AFG2A: variants seen among roughly 807,000 people sequenced by gnomAD.
AFG2A encodes the protein AAA ATPase AFG2A.
chr4:123,072,461 A>C, the AFG2A span, among the ~76,000 whole-genome samples: 1 of 152,182 alleles, frequency 6.6e-6, no homozygotes, highest in Admixed American at 6.5e-5. Flanking sequence ...AATGCTGTAA[A>C]CAAATGGTTT....
the AFG2A span, among the ~76,000 whole-genome samples, chr4:123,121,933 G>T: frequency 6.6e-6 from 1 of 152,108 alleles, no homozygotes; most frequent in Non-Finnish European, 1.5e-5. Flanking sequence ...CAGAAACTTT[G>T]TCTGGGCAGA....
At chr4:123,218,793 C>G in the AFG2A span, among the ~76,000 whole-genome samples, 1 of 152,166 alleles carries the variant, frequency 6.6e-6, no homozygotes, top group South Asian at 2.1e-4. Context: ...TTAAATCACT[C>G]TAAGTTGAGT....
chr4:123,299,101 T>G, the AFG2A span, among the ~76,000 whole-genome samples: 2 of 142,586 alleles, frequency 1.4e-5, no homozygotes, highest in Non-Finnish European at 3.0e-5. Context: ...TCTTGTGAAT[T>G]TATATGCATC....
At chr4:123,074,421 C>T in the AFG2A span, among the ~76,000 whole-genome samples, 1,793 of 143,360 alleles carry the variant, frequency 0.013, 44 homozygotes, top group African/African-American at 0.043. Flanking sequence ...GTCTTTTGCA[C>T]TCTATTCTGT....
At chr4:123,027,773 C>G in the AFG2A span, among the ~76,000 whole-genome samples, 2 of 152,160 alleles carry the variant, frequency 1.3e-5, no homozygotes, top group African/African-American at 4.8e-5. Flanking sequence ...CTATAAAGAT[C>G]TACAAAAATA....
the AFG2A span, among the ~76,000 whole-genome samples, chr4:123,267,333 A>G: frequency 1.3e-5 from 2 of 151,812 alleles, no homozygotes; most frequent in Non-Finnish European, 3.0e-5. Flanking sequence ...ATTATTTCTG[A>G]TGTTCTTTAA....
the AFG2A span, among the ~76,000 whole-genome samples, chr4:123,299,928 A>T: frequency 3.3e-5 from 5 of 152,156 alleles, no homozygotes; most frequent in Admixed American, 3.3e-4. Flanking sequence ...TTAAAACATG[A>T]TTTATTCATG....
chr4:123,157,674 A>T, the AFG2A span, among the ~76,000 whole-genome samples: 1 of 152,216 alleles, frequency 6.6e-6, no homozygotes, highest in East Asian at 1.9e-4. Context: ...GACAAGTAAC[A>T]GCATCTTAAT....
the AFG2A span, among the ~76,000 whole-genome samples, chr4:123,156,374 A>G: frequency 6.6e-6 from 1 of 152,186 alleles, no homozygotes; most frequent in East Asian, 1.9e-4. Context: ...TCAAGGGCCT[A>G]TTCTCTATGC....
chr4:123,039,011 A>G, the AFG2A span, among the ~76,000 whole-genome samples: 1 of 152,076 alleles, frequency 6.6e-6, no homozygotes, highest in Admixed American at 6.6e-5. Flanking sequence ...TAATCTTTCT[A>G]TTGATACCAA....
At chr4:123,137,846 G>A in the AFG2A span, among the ~76,000 whole-genome samples, 1 of 151,628 alleles carries the variant, frequency 6.6e-6, no homozygotes, top group African/African-American at 2.4e-5. Context: ...TCTTTGTTTT[G>A]TGTGTTGCTC....
chr4:123,019,781 A>G, the AFG2A span, among the ~76,000 whole-genome samples: 1 of 152,128 alleles, frequency 6.6e-6, no homozygotes, highest in Non-Finnish European at 1.5e-5. Context: ...ACATTATTGC[A>G]CTCATCTTTG....
the AFG2A span, chr4:123,314,757 CT>C: frequency 0.64 from 77,138 of 120,090 alleles, 23,589 homozygotes; most frequent in Non-Finnish European, 0.71. Context: ...GTTGTTTTGT[CT>C]TTTTTTTTTT....
chr4:123,141,898 G>T, the AFG2A span, among the ~76,000 whole-genome samples: 3 of 152,066 alleles, frequency 2.0e-5, no homozygotes, highest in Admixed American at 2.0e-4. Context: ...TGTAGCAAAC[G>T]TGACCCCTCC....
the AFG2A span, among the ~76,000 whole-genome samples, chr4:123,135,840 T>C: frequency 6.6e-6 from 1 of 152,092 alleles, no homozygotes; most frequent in African/African-American, 2.4e-5. Flanking sequence ...CAGCTATATA[T>C]AGAAAATCCT....
the AFG2A span, among the ~76,000 whole-genome samples, chr4:123,182,933 AC>A: frequency 2.6e-5 from 4 of 152,204 alleles, no homozygotes; most frequent in Non-Finnish European, 5.9e-5. Flanking sequence ...TTTGCGTTAT[AC>A]ACAGTTTAAG....
the AFG2A span, among the ~76,000 whole-genome samples, chr4:123,015,701 A>G: frequency 6.6e-6 from 1 of 151,354 alleles, no homozygotes; most frequent in East Asian, 2.0e-4. Flanking sequence ...GCTGTTGGGT[A>G]CACCTCCCAG....
the AFG2A span, among the ~76,000 whole-genome samples, chr4:123,211,129 A>G: frequency 6.6e-6 from 1 of 152,210 alleles, no homozygotes; most frequent in African/African-American, 2.4e-5. Flanking sequence ...CAGAAGATAA[A>G]GTATTTTACC....
At chr4:123,252,846 G>T in the AFG2A span, among the ~76,000 whole-genome samples, 1 of 152,066 alleles carries the variant, frequency 6.6e-6, no homozygotes, top group Non-Finnish European at 1.5e-5. Context: ...GATTAGATTG[G>T]ACTTTGTAAA....
Sources: gnomAD v4.1 joint callset for allele counts (sites outside exome capture counted in the v4.1 genomes callset) on GRCh38, gnomAD v4.1.1 for gene constraint, MANE v1.5 for transcripts, NCBI Gene and HGNC (gene_info 2026-07-23, HGNC 2026-07-21) for gene names.